SBF2: variants seen among roughly 807,000 people sequenced by gnomAD.
SBF2 encodes the protein SET binding factor 2, also known as myotubularin-related protein 13.
A neutral mutation model predicts 225.2 loss-of-function variants in SBF2; 112 were observed. The observed-to-expected ratio is 0.50, with a 90% confidence interval of 0.43 to 0.58. The LOEUF (loss-of-function observed/expected upper bound fraction) is 0.58. SBF2 is among the 20% of genes least tolerant of loss of function. The probability of loss-of-function intolerance (pLI) is 0.00; values close to 1 mark genes in which losing one functional copy is unlikely to be tolerated. For missense variants in SBF2, 1,996 were observed against 2,206.2 expected, an observed-to-expected ratio of 0.90 and a Z score of 1.91; for synonymous variants, 763 against 773.3, an observed-to-expected ratio of 0.99 and a Z score of 0.22.
chr11:9,905,937 T>G (rs777094548), intron 16 of SBF2, among the ~76,000 whole-genome samples: 34 of 152,204 alleles, frequency 2.2e-4, no homozygotes, highest in Non-Finnish European at 4.3e-4. Context: ...GTTTAGGTTT[T>G]TATTTTAAAA....
chr11:9,780,880 A>G, intron 39 of SBF2: 1 of 332,544 alleles, frequency 3.0e-6, no homozygotes, highest in Non-Finnish European at 5.8e-6. Context: ...CTCCAGGGGG[A>G]TGCCTGAGAT....
intron 13 of SBF2, among the ~76,000 whole-genome samples, chr11:9,980,673 G>A (rs950522030): frequency 3.3e-5 from 5 of 151,662 alleles, no homozygotes; most frequent in African/African-American, 1.2e-4. Context: ...TGCAAGCTCC[G>A]GTTCACGCCA....
chr11:10,218,755 G>A (rs1242042635), intron 1 of SBF2, among the ~76,000 whole-genome samples: 1 of 152,122 alleles, frequency 6.6e-6, no homozygotes, highest in Non-Finnish European at 1.5e-5. Flanking sequence ...AAAACGAAAG[G>A]GTTACAGGCC....
chr11:10,073,554 T>C (rs1438823358), intron 2 of SBF2, among the ~76,000 whole-genome samples: 1 of 151,964 alleles, frequency 6.6e-6, no homozygotes, highest in Non-Finnish European at 1.5e-5. Flanking sequence ...CTGTCTCTAC[T>C]AATAATACAA....
rs760777294 is a variant in SBF2 at position 9,850,003 on chromosome 11, G to A, written c.2806+20C>T. On this transcript the variant is annotated intron_variant, in intron 22 of 39. Transcript: ENST00000256190. ...TGTACCACACAGATACCCATGTTCT[G>A]ATGGCATATCGAGTCATACCTAACT... The A allele has an allele frequency of 3.1e-6, 5 of 1,606,796 alleles. No individual in the cohort carries two copies. The Admixed American group carries it at 6.7e-5, about 21-fold the overall frequency.
At position 10,029,894 on chromosome 11, in the gene SBF2, A is replaced by T. The variant is rs1251915695; in HGVS notation, c.403-19T>A. ...GGCAAGCCTGCAAAAAGATAAATACATGTAATTATTTCATGGAAAAAGCAT... is the reference window on the plus strand; with the variant it reads ...GGCAAGCCTGCAAAAAGATAAATACTTGTAATTATTTCATGGAAAAAGCAT... On this transcript the variant is annotated intron_variant, in intron 4 of 39. Transcript: ENST00000256190. 3 of 1,465,846 alleles carry T rather than the reference A, an allele frequency of 2.0e-6. No homozygotes were observed. The African/African-American group carries it at 4.2e-5, about 20-fold the overall frequency. The allele number at this position is 1,465,846 out of a possible 1,614,324, so 90.8% of individuals were successfully genotyped here.
intron 23 of SBF2, among the ~76,000 whole-genome samples, chr11:9,846,433 G>A (rs1196650532): frequency 1.3e-5 from 2 of 152,068 alleles, no homozygotes; most frequent in Non-Finnish European, 2.9e-5. Flanking sequence ...CTTCTTCCAG[G>A]GTCTGGTTTG....
intron 24 of SBF2, among the ~76,000 whole-genome samples, chr11:9,845,039 T>C (rs780169803): frequency 1.3e-5 from 2 of 152,132 alleles, no homozygotes; most frequent in Non-Finnish European, 1.5e-5. Flanking sequence ...AAAAAAAATA[T>C]GTGTATATAT....
chr11:10,229,848 G>A (rs1232267072), intron 1 of SBF2, among the ~76,000 whole-genome samples: 1 of 152,192 alleles, frequency 6.6e-6, no homozygotes, highest in East Asian at 1.9e-4. Context: ...GCAGAGCTGA[G>A]TTCAAGTCCT....
chr11:10,010,542 G>C (rs757699720), intron 6 of SBF2, among the ~76,000 whole-genome samples: 3 of 152,112 alleles, frequency 2.0e-5, no homozygotes, highest in Admixed American at 6.5e-5. Flanking sequence ...AAGATCAGAT[G>C]GTTGTAGATG....
intron 3 of SBF2, among the ~76,000 whole-genome samples, chr11:10,040,251 C>G (rs755017487): frequency 3.3e-5 from 5 of 151,884 alleles, no homozygotes; most frequent in Non-Finnish European, 5.9e-5. Context: ...GACCAAGTTA[C>G]CAAAATTAAC....
chr11:9,959,617 C>CG (rs1230423155), intron 16 of SBF2: 1 of 762,044 alleles, frequency 1.3e-6, no homozygotes, highest in African/African-American at 1.7e-5. Flanking sequence ...CTAGAGCCAC[C>CG]AAAATTCTAC....
intron 1 of SBF2, among the ~76,000 whole-genome samples, chr11:10,202,695 G>A (rs1015065540): frequency 2.6e-5 from 4 of 152,222 alleles, no homozygotes; most frequent in South Asian, 4.1e-4. Flanking sequence ...GTCTGAGGCA[G>A]GAGAATGGCG....
chr11:10,070,888 C>A (rs1485114374), intron 2 of SBF2, among the ~76,000 whole-genome samples: 2 of 152,122 alleles, frequency 1.3e-5, no homozygotes, highest in Non-Finnish European at 2.9e-5. Flanking sequence ...CCCTTGTAAA[C>A]TGGATTCCCA....
intron 32 of SBF2, among the ~76,000 whole-genome samples, chr11:9,805,579 G>A (rs187672855): frequency 8.5e-5 from 13 of 152,178 alleles, no homozygotes; most frequent in Admixed American, 7.2e-4. Context: ...TTGTATCTGA[G>A]CTTTTGGAAG....
At chr11:10,123,322 C>T (rs376754277) in intron 2 of SBF2, among the ~76,000 whole-genome samples, 4 of 152,212 alleles carry the variant, frequency 2.6e-5, no homozygotes, top group Non-Finnish European at 1.5e-5. Context: ...ATATTCATTC[C>T]TCTAAGTAGT....
chr11:9,856,931 T>G (rs1370311642), intron 18 of SBF2, among the ~76,000 whole-genome samples: 148 of 151,684 alleles, frequency 9.8e-4, no homozygotes, highest in Non-Finnish European at 1.9e-3. Context: ...GGGACTACAG[T>G]CACCTGCCAC....
intron 1 of SBF2, among the ~76,000 whole-genome samples, chr11:10,261,493 G>A (rs1374220750): frequency 6.6e-6 from 1 of 152,180 alleles, no homozygotes; most frequent in Non-Finnish European, 1.5e-5. Flanking sequence ...GTGAGCCACT[G>A]TGCCCAGCCA....
At chr11:10,296,530 A>G (rs1964551335), upstream of SBF2, among the ~76,000 whole-genome samples, 1 of 152,140 alleles carries the variant, frequency 6.6e-6, no homozygotes, top group African/African-American at 2.4e-5. Context: ...GATCCCTCCC[A>G]TGACAGGTGG....
Sources: allele counts gnomAD v4.1 joint callset (sites outside exome capture counted in the v4.1 genomes callset), GRCh38; gene constraint gnomAD v4.1.1; transcripts MANE v1.5; gene names NCBI Gene and HGNC (gene_info 2026-07-23, HGNC 2026-07-21).